LMOD2: variants seen among roughly 807,000 people sequenced by gnomAD.
LMOD2 encodes leiomodin-2.
A neutral mutation model predicts 41.7 loss-of-function variants in LMOD2; 27 were observed. The observed-to-expected ratio is 0.65, with a 90% CI of 0.48 to 0.89. LMOD2 has a LOEUF of 0.89. LMOD2 is among the 40% of genes least tolerant of loss of function. The pLI, the probability that LMOD2 is intolerant of heterozygous loss-of-function variation, is 0.00. For missense variants in LMOD2, 624 were observed against 667.9 expected, an observed-to-expected ratio of 0.93 and a Z score of 0.72; for synonymous variants, 251 against 244.6, an observed-to-expected ratio of 1.03 and a Z score of -0.25.
chr7:123,661,850 T>C lies in LMOD2; in HGVS notation c.274-10T>C. On this transcript the variant is annotated splice_polypyrimidine_tract_variant and intron_variant, in intron 1 of 2. Transcript: ENST00000458573. The stretch of plus-strand genomic sequence containing the variant: ...TTTAAGAAGCTTAATGATGATATCA[T>C]ACTCTTTAGGTTGCAGAAGACAAAG... 1 of 1,477,146 alleles carries C rather than the reference T, an allele frequency of 6.8e-7. No individual in the cohort carries two copies. 91.5% of individuals were successfully genotyped at this position (1,477,146 alleles called of 1,614,324 possible).
At position 123,663,705 on chromosome 7, in the gene LMOD2, C is replaced by T. The variant is rs534343047; in HGVS notation, c.1618-14C>T. 2.0e-5 allele frequency: 31 copies of T among 1,573,916 alleles called. No individual in the cohort carries two copies. The highest frequency in any genetic ancestry group is 2.6e-5 in the Non-Finnish European group (30 of 1,157,368). On this transcript the variant is annotated splice_polypyrimidine_tract_variant and intron_variant, in intron 2 of 2. Transcript: ENST00000458573. ...TGTGTTGTTTCATTGAGAGAAAATC[C>T]GCTATTTTTGTAGGTGGAAGTTCCA...
chr7:123,659,005 T>C (rs567009327), intron 1 of LMOD2, among the ~76,000 whole-genome samples: 1 of 152,320 alleles, frequency 6.6e-6, no homozygotes, highest in African/African-American at 2.4e-5. Context: ...CCAAAATTCA[T>C]GTATAACTTT....
intron 1 of LMOD2, among the ~76,000 whole-genome samples, chr7:123,658,280 G>A (rs1158812288): frequency 2.0e-5 from 3 of 152,182 alleles, no homozygotes; most frequent in African/African-American, 7.2e-5. Context: ...CTGCTGGCCA[G>A]CTGTCTGTAG....
At chr7:123,658,769 T>C (rs1802830430) in intron 1 of LMOD2, among the ~76,000 whole-genome samples, 5 of 152,324 alleles carry the variant, frequency 3.3e-5, no homozygotes, top group Middle Eastern at 3.4e-3. Flanking sequence ...CATTTCAAAA[T>C]TGTGGGTGCC....
At chr7:123,657,968 C>T (rs552774258) in intron 1 of LMOD2, among the ~76,000 whole-genome samples, 2 of 134,630 alleles carry the variant, frequency 1.5e-5, no homozygotes, top group African/African-American at 5.6e-5. Flanking sequence ...CAGCCTGAGC[C>T]ACAAACCAAA....
rs1802931440 is a variant in LMOD2, at chr7:123,663,930, A to G, written c.*185A>G. On this transcript the variant is annotated 3_prime_UTR_variant, in exon 3 of 3. Coordinates refer to ENST00000458573, the MANE Select transcript of LMOD2 (RefSeq NM_207163.3). ...ATGTTTCTTCTGTAAATATGAAAAT[A>G]AATTTCTTTTTTATGTCGTGAGATT... 1.7e-6 allele frequency: 1 copy of G among 584,754 alleles called. No individual in the cohort carries two copies. The highest frequency in any genetic ancestry group is 2.9e-6 in the Non-Finnish European group (1 of 340,192). The allele number at this position is 584,754 out of a possible 1,614,324, so 36.2% of individuals were successfully genotyped here.
chr7:123,662,421 T>C lies in LMOD2; in HGVS notation c.835T>C (p.Phe279Leu). The change falls in exon 2 of 3, where the codon TTC (phenylalanine) becomes CTC (leucine). Residue 279 changes from phenylalanine (F) to leucine (L), a missense_variant. Transcript: ENST00000458573. The surrounding 1 kb of genome is among the most constrained non-coding windows in gnomAD (Gnocchi z 4.0). The stretch of plus-strand genomic sequence containing the variant: ...CACCAACGTAAACGTCGAGTCCAAC[T>C]TCATAACGGGAAAGGGGATCCTGGC... Reference protein sequence around the residue: ...HITNVNVESNFITGKGILAIM... With the variant: ...HITNVNVESNLITGKGILAIM... 2 of 1,613,890 alleles carry C rather than the reference T, an allele frequency of 1.2e-6. No homozygotes were observed. The highest frequency in any genetic ancestry group is 1.1e-5 in the South Asian group (1 of 91,068).
chr7:123,662,682 C>G lies in LMOD2; in HGVS notation c.1096C>G (p.Gln366Glu). 6.2e-7 allele frequency: 1 copy of G among 1,613,980 alleles called. No individual in the cohort carries two copies. The highest frequency in any genetic ancestry group is 2.2e-5 in the East Asian group (1 of 44,882). ...AAAACGTTTGCAGGAGCAAAAACAG[C>G]AGGAGGGATACGATGGAGGACCCAA... ...RQKRLQEQKQ[Q>E]EGYDGGPNLR... is the part of the protein sequence containing the mutation. The change falls in exon 2 of 3, where the codon CAG becomes GAG. Residue 366 changes from glutamine (Q) to glutamate (E), a missense_variant. Gln to Glu is a conservative substitution (Grantham distance 29, BLOSUM62 2). Transcript: ENST00000458573. The surrounding 1 kb of genome is among the most constrained non-coding windows in gnomAD (Gnocchi z 4.0).
In LMOD2 at chr7:123,662,779, G is replaced by A. The variant is rs757677006; in HGVS notation, c.1193G>A (p.Trp398Ter). ...SPYVSPRHSP[W>*]SSPKLPKKVQ... is the part of the protein sequence containing the mutation. ...TATGTATCTCCCAGGCACTCACCCT[G>A]GTCATCCCCAAAACTCCCCAAAAAA... Residue 398 changes from tryptophan (W) to a stop codon, truncating the protein, a stop_gained, in exon 2 of 3, where the codon TGG becomes TAG. Coordinates refer to ENST00000458573, the MANE Select transcript of LMOD2 (RefSeq NM_207163.3). LOFTEE classifies it high-confidence loss of function. The surrounding 1 kb of genome is among the most constrained non-coding windows in gnomAD (Gnocchi z 4.0). 6.2e-7 allele frequency: 1 copy of A among 1,613,790 alleles called. No homozygotes were observed. Among genetic ancestry groups the A allele is most frequent in the Admixed American group, 1.7e-5 (1 of 59,996 alleles).
At position 123,663,114 on chromosome 7, in the gene LMOD2, G is replaced by C. The variant is rs1272490838; in HGVS notation, c.1528G>C (p.Asp510His). The change falls in exon 2 of 3, where the codon GAC becomes CAC. Residue 510 changes from aspartate (D) to histidine (H), a missense_variant. Asp to His is a moderately conservative substitution (Grantham distance 81). Coordinates refer to ENST00000458573, the MANE Select transcript of LMOD2 (RefSeq NM_207163.3). ...GTCAGTGCAAGAGAAGAAAATGGAA[G>C]ACAGTTCCCGACCTTCTACCCCACA... Reference protein sequence around the residue: ...LRSVQEKKMEDSSRPSTPQRS... With the variant: ...LRSVQEKKMEHSSRPSTPQRS... 6.4e-7 allele frequency: 1 copy of C among 1,563,978 alleles called. No homozygotes were observed. Among genetic ancestry groups the C allele is most frequent in the Non-Finnish European group, 8.7e-7 (1 of 1,154,066 alleles).
rs1802889206 is a variant in LMOD2 at position 123,662,268 on chromosome 7, A to C, written c.682A>C (p.Thr228Pro). 6.2e-7 allele frequency: 1 copy of C among 1,613,918 alleles called. No homozygotes were observed. The highest frequency in any genetic ancestry group is 1.3e-5 in the African/African-American group (1 of 75,022). The part of the protein sequence containing the change: ...LNNIENITTQ[T>P]LTRFAEALKD... Reference sequence around the variant, plus strand: ...CAACATTGAGAACATCACAACACAGACCCTTACCCGCTTTGCTGAAGCCCT... The same window carrying C: ...CAACATTGAGAACATCACAACACAGCCCCTTACCCGCTTTGCTGAAGCCCT... The change falls in exon 2 of 3, where the codon ACC (threonine) becomes CCC (proline). Residue 228 changes from threonine to proline, a missense_variant. Physicochemically the swap from Thr to Pro is conservative, Grantham distance 38. Coordinates refer to ENST00000458573, the MANE Select transcript of LMOD2 (RefSeq NM_207163.3). This position sits in a 1 kb window ranked among gnomAD's most constrained non-coding sequence, Gnocchi z 4.0.
chr7:123,662,382 G>A lies in LMOD2; in HGVS notation c.796G>A (p.Val266Ile), dbSNP rs888488196. 8.7e-6 allele frequency: 14 copies of A among 1,613,702 alleles called. No homozygotes were observed. Among genetic ancestry groups the A allele is most frequent in the South Asian group, 5.5e-5 (5 of 91,034 alleles). The change falls in exon 2 of 3, where the codon GTC (valine) becomes ATC (isoleucine). Residue 266 changes from valine (V) to isoleucine (I), a missense_variant. Coordinates refer to ENST00000458573, the MANE Select transcript of LMOD2 (RefSeq NM_207163.3). The surrounding 1 kb of genome is among the most constrained non-coding windows in gnomAD (Gnocchi z 4.0). ...AAMAIAEMLK[V>I]NEHITNVNVE... ...CATGGCCATTGCAGAGATGCTCAAA[G>A]TCAATGAGCACATCACCAACGTAAA...
intron 1 of LMOD2, among the ~76,000 whole-genome samples, chr7:123,658,227 C>T (rs573848871): frequency 3.9e-5 from 6 of 152,248 alleles, no homozygotes; most frequent in East Asian, 1.9e-4. Flanking sequence ...TGATGGACTT[C>T]GGTTCCTTTC....
Position 123,661,960 on chromosome 7 carries a change from C to T in LMOD2, c.374C>T (p.Ser125Phe), listed in dbSNP as rs937503813. Reference protein sequence around the residue: ...EVYTEEEEEESQEEEEEEDSD... With the variant: ...EVYTEEEEEEFQEEEEEEDSD... ...TATACAGAGGAGGAGGAGGAGGAGT[C>T]CCAGGAGGAAGAGGAGGAAGAAGAC... The change falls in exon 2 of 3, where the codon TCC becomes TTC. Residue 125 changes from serine to phenylalanine, a missense_variant. Physicochemically the swap from Ser to Phe is radical, Grantham distance 155 (BLOSUM62 -2). Coordinates refer to ENST00000458573, the MANE Select transcript of LMOD2 (RefSeq NM_207163.3). The T allele has an allele frequency of 3.2e-6, 5 of 1,556,156 alleles. No individual in the cohort carries two copies. The African/African-American group carries it at 5.5e-5, about 17-fold the overall frequency.
intron 1 of LMOD2, 146 bp downstream of exon 1, chr7:123,656,382 G>A: frequency 1.2e-6 from 1 of 864,166 alleles, no homozygotes; most frequent in East Asian, 2.7e-5. Context: ...TCATTTTTCA[G>A]GCTGAAATAA....
intron 1 of LMOD2, among the ~76,000 whole-genome samples, chr7:123,660,585 G>C (rs953883021): frequency 1.7e-5 from 2 of 116,490 alleles, no homozygotes; most frequent in Admixed American, 8.7e-5. Flanking sequence ...GCGCCCTCGA[G>C]GTCAAAAAAA....
rs1346937459 is a variant in LMOD2 at position 123,662,862 on chromosome 7, C to A, written c.1276C>A (p.Pro426Thr). 6.7e-7 allele frequency: 1 copy of A among 1,498,912 alleles called. No individual in the cohort carries two copies. Among genetic ancestry groups the A allele is most frequent in the Non-Finnish European group, 9.0e-7 (1 of 1,108,654 alleles). The allele number at this position is 1,498,912 out of a possible 1,614,324, so 92.9% of individuals were successfully genotyped here. A position where few individuals can be genotyped will look rare whatever the true frequency, so the allele number is the denominator to read the frequency against. Residue 426 changes from proline to threonine, a missense_variant, in exon 2 of 3, where the codon CCT (proline) becomes ACT (threonine). Physicochemically the swap from Pro to Thr is conservative, Grantham distance 38. Coordinates refer to ENST00000458573, the MANE Select transcript of LMOD2 (RefSeq NM_207163.3). The surrounding 1 kb of genome is among the most constrained non-coding windows in gnomAD (Gnocchi z 4.0). ...TGTGGCCACACCTCCTCCTCCTCCC[C>A]CTCCTCCTCCTCCTCCCCCTCCTTC... ...SPVATPPPPP[P>T]PPPPPPPSSQ... is the part of the protein sequence containing the mutation.
intron 1 of LMOD2, among the ~76,000 whole-genome samples, chr7:123,661,357 T>C (rs1411356685): frequency 2.0e-5 from 3 of 152,212 alleles, no homozygotes; most frequent in Admixed American, 2.0e-4. Context: ...ATGGAAAATT[T>C]GGGAATTTTT....
chr7:123,661,962 CAGG>C lies in LMOD2; in HGVS notation c.381_383del (p.Glu132del). 9 of 1,557,110 alleles carry C rather than the reference CAGG, an allele frequency of 5.8e-6. No homozygotes were observed. The highest frequency in any genetic ancestry group is 7.8e-6 in the Non-Finnish European group (9 of 1,149,562). On this transcript the variant is annotated inframe_deletion, in exon 2 of 3. Coordinates refer to ENST00000458573, the MANE Select transcript of LMOD2 (RefSeq NM_207163.3). The stretch of plus-strand genomic sequence containing the variant: ...TACAGAGGAGGAGGAGGAGGAGTCC[CAGG>C]AGGAAGAGGAGGAAGAAGACAGTGA...
Sources: allele counts gnomAD v4.1 joint callset (sites outside exome capture counted in the v4.1 genomes callset), GRCh38; gene constraint gnomAD v4.1.1; non-coding constraint Gnocchi (gnomAD v3.1); transcripts MANE v1.5; gene names NCBI Gene and HGNC (gene_info 2026-07-23, HGNC 2026-07-21).